Variants in GTF2E2 observed in about 807,000 individuals in gnomAD.
GTF2E2 encodes transcription initiation factor IIE subunit beta.
A neutral mutation model predicts 40.5 loss-of-function variants in GTF2E2; 21 were observed. That is an observed-to-expected ratio of 0.52 (90% CI 0.37 to 0.75). GTF2E2 has a LOEUF of 0.75. Among genes scored for constraint, GTF2E2 ranks in the 30% least tolerant of loss-of-function variants. The probability of loss-of-function intolerance (pLI) is 0.00; values close to 1 mark genes in which losing one functional copy is unlikely to be tolerated. For synonymous variants in GTF2E2, 117 were observed against 121.6 expected (o/e 0.96, Z 0.25); for missense variants, 298 against 338.4 (o/e 0.88, Z 0.94).
chr8:30,598,490 T>C (rs1829078282), intron 6 of GTF2E2, among the ~76,000 whole-genome samples: 1 of 152,254 alleles, frequency 6.6e-6, no homozygotes, highest in Admixed American at 6.5e-5. Flanking sequence ...TTAAAGTCAC[T>C]TGAGCTATTT....
chr8:30,603,721 T>C (rs1253585295), intron 6 of GTF2E2, among the ~76,000 whole-genome samples: 1 of 152,074 alleles, frequency 6.6e-6, no homozygotes, highest in Non-Finnish European at 1.5e-5. Context: ...TTAGATCAAG[T>C]AGTCAAAAAA....
At chr8:30,643,010 G>T (rs1801906229) in intron 2 of GTF2E2, among the ~76,000 whole-genome samples, 1 of 152,158 alleles carries the variant, frequency 6.6e-6, no homozygotes, top group African/African-American at 2.4e-5. Context: ...AGTGCAATGT[G>T]CATTTTCCTT....
At chr8:30,625,953 A>G (rs912075571) in intron 3 of GTF2E2, among the ~76,000 whole-genome samples, 1 of 152,170 alleles carries the variant, frequency 6.6e-6, no homozygotes, top group Non-Finnish European at 1.5e-5. Flanking sequence ...ATAATTGGTA[A>G]GCTCTATATG....
At chr8:30,647,881 G>C (rs1802149369) in intron 2 of GTF2E2, among the ~76,000 whole-genome samples, 1 of 152,046 alleles carries the variant, frequency 6.6e-6, no homozygotes, top group South Asian at 2.1e-4. Context: ...TAATTATTTA[G>C]TCATCCAACA....
chr8:30,617,563 A>C (rs1246054983), intron 3 of GTF2E2, among the ~76,000 whole-genome samples: 1 of 152,040 alleles, frequency 6.6e-6, no homozygotes, highest in Non-Finnish European at 1.5e-5. Flanking sequence ...ACAACATGGC[A>C]AAACTCTGAC....
At chr8:30,602,511 CT>C (rs1434440958) in intron 6 of GTF2E2, among the ~76,000 whole-genome samples, 2 of 152,046 alleles carry the variant, frequency 1.3e-5, no homozygotes, top group Admixed American at 6.6e-5. Flanking sequence ...TGTTCACTGA[CT>C]TTGGGAGGCC....
chr8:30,632,316 A>G (rs1161623896), intron 3 of GTF2E2, among the ~76,000 whole-genome samples: 2 of 152,198 alleles, frequency 1.3e-5, no homozygotes, highest in African/African-American at 4.8e-5. Flanking sequence ...TATGCATTCC[A>G]TAATTTATTC....
intron 1 of GTF2E2, among the ~76,000 whole-genome samples, chr8:30,655,068 A>G (rs1050307077): frequency 1.1e-4 from 16 of 152,010 alleles, no homozygotes; most frequent in Non-Finnish European, 1.8e-4. Flanking sequence ...AGTCATAGTG[A>G]CACATACGTG....
At chr8:30,641,439 T>G (rs567440704) in intron 2 of GTF2E2, among the ~76,000 whole-genome samples, 5 of 152,282 alleles carry the variant, frequency 3.3e-5, no homozygotes, top group Admixed American at 1.3e-4. Context: ...CACAGCTCAC[T>G]GCAACCTCAA....
At chr8:30,585,533 CCA>C (rs1828655131) in intron 6 of GTF2E2, among the ~76,000 whole-genome samples, 1 of 151,856 alleles carries the variant, frequency 6.6e-6, no homozygotes, top group Admixed American at 6.6e-5. Flanking sequence ...ATAGGTATCC[CCA>C]GAGAAAAGAA....
chr8:30,617,013 A>G (rs1271376802), intron 3 of GTF2E2, among the ~76,000 whole-genome samples: 1 of 152,180 alleles, frequency 6.6e-6, no homozygotes, highest in Non-Finnish European at 1.5e-5. Flanking sequence ...GAAAATGAGT[A>G]GGATGACAGG....
At chr8:30,616,427 T>G (rs1585968456) in intron 3 of GTF2E2, among the ~76,000 whole-genome samples, 1 of 151,782 alleles carries the variant, frequency 6.6e-6, no homozygotes, top group Admixed American at 6.6e-5. Flanking sequence ...AGAGCAAGAC[T>G]CTGTTTTAAA....
chr8:30,581,187 A>G (rs1828506225), intron 6 of GTF2E2, among the ~76,000 whole-genome samples: 1 of 152,150 alleles, frequency 6.6e-6, no homozygotes, highest in Non-Finnish European at 1.5e-5. Context: ...TCAGGAACGA[A>G]AAAAGGAAAA....
chr8:30,585,127 G>C (rs977603623), intron 6 of GTF2E2: 1 of 152,522 alleles, frequency 6.6e-6, no homozygotes, highest in African/African-American at 2.4e-5. Context: ...CAGAGGTTGC[G>C]GTGAGCCGAG....
intron 3 of GTF2E2, among the ~76,000 whole-genome samples, chr8:30,632,922 C>G (rs1244076740): frequency 6.6e-6 from 1 of 152,118 alleles, no homozygotes; most frequent in Non-Finnish European, 1.5e-5. Context: ...ACATTTATGT[C>G]TAAGCACTTA....
Position 30,612,418 on chromosome 8 carries a change from T to C in GTF2E2, c.430A>G (p.Asn144Asp). 6.2e-7 allele frequency: 1 copy of C among 1,612,852 alleles called. No homozygotes were observed. Among genetic ancestry groups the C allele is most frequent in the Non-Finnish European group, 8.5e-7 (1 of 1,178,962 alleles). ...DGKYAFKPKYNVRDKKALLRL... is the reference protein window; with the variant it reads ...DGKYAFKPKYDVRDKKALLRL... ...AGTAGGGCCTTCTTATCTCTCACGT[T>C]GTACTTGGGCTTGAAAGCATACTTC... The change falls in exon 5 of 8, where the codon AAC (asparagine) becomes GAC (aspartate). Residue 144 changes from asparagine to aspartate, a missense_variant. Asn to Asp is a conservative substitution (Grantham distance 23, BLOSUM62 1). Transcript: ENST00000355904.
intron 3 of GTF2E2, among the ~76,000 whole-genome samples, chr8:30,625,752 T>C (rs912122109): frequency 7.2e-5 from 11 of 152,080 alleles, no homozygotes; most frequent in African/African-American, 2.7e-4. Context: ...CCATGCGCCA[T>C]CACACCCAGG....
At chr8:30,611,680 G>A (rs1212988194) in intron 5 of GTF2E2, among the ~76,000 whole-genome samples, 1 of 152,140 alleles carries the variant, frequency 6.6e-6, no homozygotes, top group Non-Finnish European at 1.5e-5. Flanking sequence ...TACAATACCA[G>A]AAGATCTGAC....
At chr8:30,609,014 G>A (rs1451078534) in intron 5 of GTF2E2, among the ~76,000 whole-genome samples, 1 of 152,120 alleles carries the variant, frequency 6.6e-6, no homozygotes, top group Non-Finnish European at 1.5e-5. Flanking sequence ...CTCCCAAAGT[G>A]CTGGGATTAC....
Sources: gnomAD v4.1 joint callset for allele counts (sites outside exome capture counted in the v4.1 genomes callset) on GRCh38, gnomAD v4.1.1 for gene constraint, MANE v1.5 for transcripts, NCBI Gene and HGNC (gene_info 2026-07-23, HGNC 2026-07-21) for gene names.